The following GSE1 variants were observed in gnomAD, a reference collection of about 807,000 sequenced individuals.
The protein encoded by GSE1 is genetic suppressor element 1.
A neutral mutation model predicts 112.6 loss-of-function variants in GSE1; 32 were observed. The observed-to-expected ratio is 0.28, with a 90% CI of 0.21 to 0.38. The LOEUF is 0.38. GSE1 is among the 10% of genes least tolerant of loss of function. The pLI, the probability that GSE1 is intolerant of heterozygous loss-of-function variation, is 1.00. For synonymous variants in GSE1, 1,115 were observed against 735.6 expected (o/e 1.52, Z -8.35); for missense variants, 2,348 against 1,699.2 (o/e 1.38, Z -6.71).
chr16:85,613,446 C>G, intron 1 of GSE1, 48 bp downstream of exon 1: 1 of 1,496,880 alleles, frequency 6.7e-7, no homozygotes, highest in Non-Finnish European at 9.0e-7. Flanking sequence ...CCCCTCCCCC[C>G]ACCGCACTGT....
At chr16:85,359,818 C>T (rs972370502) in intron 2 of GSE1, among the ~76,000 whole-genome samples, 1 of 152,028 alleles carries the variant, frequency 6.6e-6, no homozygotes. Flanking sequence ...GCTGGGAGGC[C>T]GAGGAGTTTG....
intron 1 of GSE1, among the ~76,000 whole-genome samples, chr16:85,354,993 G>T (rs116095977): frequency 0.018 from 2,736 of 152,296 alleles, 88 homozygotes; most frequent in African/African-American, 0.063. Flanking sequence ...GGCCTGAGGT[G>T]CCGCCGCCTC....
At chr16:85,608,310 G>A (rs778129185), upstream of GSE1, among the ~76,000 whole-genome samples, 18 of 152,130 alleles carry the variant, frequency 1.2e-4, no homozygotes, top group Non-Finnish European at 2.6e-4. Flanking sequence ...CGGATTCAGT[G>A]CACTCTGTGG....
Position 85,616,700 on chromosome 16 carries a change from A to G in GSE1, c.7+3302A>G, listed in dbSNP as rs554833181. Among the ~76,000 whole-genome samples the G allele has an allele frequency of 2.0e-5, 3 of 147,962 alleles. No homozygotes were observed. The East Asian group carries it at 6.1e-4, about 30-fold the overall frequency. On this transcript the variant is annotated intron_variant, in intron 1 of 15. Transcript: ENST00000253458. ...GCCGCCTGGCTTTAATTCCTCCCCC[A>G]GTGGAGTCTCAGATCTCGGTGGCCT...
chr16:85,443,864 G>A lies in GSE1; in HGVS notation c.2464+86221G>A, dbSNP rs541035428. On this transcript the variant is annotated intron_variant, in intron 2 of 2. Coordinates refer to the GSE1 transcript ENST00000637419. ...CAGCCCAGCTACAGGATGAGATCGC[G>A]CCCACTCTCAGTGACCTATGGCGAC... Among the ~76,000 whole-genome samples the A allele has an allele frequency of 4.6e-5, 7 of 151,858 alleles. No individual in the cohort carries two copies. The East Asian group carries it at 7.8e-4, about 17-fold the overall frequency.
chr16:85,479,232 C>T (rs1422044625), intron 2 of GSE1, among the ~76,000 whole-genome samples: 9 of 118,568 alleles, frequency 7.6e-5, no homozygotes, highest in African/African-American at 2.7e-4. Context: ...CGGGGTTTCA[C>T]CGTGTTAGCC....
At chr16:85,417,879 G>A (rs1046171598) in intron 2 of GSE1, among the ~76,000 whole-genome samples, 5 of 152,268 alleles carry the variant, frequency 3.3e-5, no homozygotes, top group Admixed American at 2.0e-4. Flanking sequence ...TCACTCTGTC[G>A]GCCGGGCTGG....
At chr16:85,602,633 G>A (rs974859802) in intron 1 of GSE1, among the ~76,000 whole-genome samples, 2 of 152,160 alleles carry the variant, frequency 1.3e-5, no homozygotes, top group Non-Finnish European at 2.9e-5. Context: ...CTTGGTGGGG[G>A]CCTGAGGTGT....
chr16:85,447,886 T>G (rs542682521), intron 2 of GSE1, among the ~76,000 whole-genome samples: 45 of 152,340 alleles, frequency 3.0e-4, no homozygotes, highest in African/African-American at 1.1e-3. Context: ...CTCAAGTGAC[T>G]TGCCCAGGGT....
At chr16:85,587,553 G>T (rs2046765680) in intron 1 of GSE1, among the ~76,000 whole-genome samples, 1 of 151,992 alleles carries the variant, frequency 6.6e-6, no homozygotes. Flanking sequence ...TTCGGCCTAG[G>T]TACATCCAGG....
chr16:85,666,183 T>C lies in GSE1; in HGVS notation c.2966T>C (p.Leu989Pro). ...APGGKKSLSM[L>P]HYIRGAAPKD... ...GGAGGCAAAAAGAGTCTGAGCATGC[T>C]TCACTATATCCGGGGCGCTGCACCC... is the stretch of plus-strand genomic sequence containing the variant. Residue 989 changes from leucine (L) to proline (P), a missense_variant, in exon 13 of 16, where the codon CTT (leucine) becomes CCT (proline). By Grantham distance (98) the Leu-to-Pro change is moderately conservative. Coordinates refer to ENST00000253458, the MANE Select transcript of GSE1 (RefSeq NM_014615.5). The C allele has an allele frequency of 6.2e-7, 1 of 1,613,530 alleles. No individual in the cohort carries two copies. The highest frequency in any genetic ancestry group is 8.5e-7 in the Non-Finnish European group (1 of 1,180,028).
chr16:85,182,155 C>T (rs12599984), intron 1 of GSE1, among the ~76,000 whole-genome samples: 1 of 152,188 alleles, frequency 6.6e-6, no homozygotes, highest in Non-Finnish European at 1.5e-5. Context: ...AGCCCTCCCC[C>T]ACCCTCCCCG....
intron 2 of GSE1, among the ~76,000 whole-genome samples, chr16:85,550,625 C>A (rs1369851520): frequency 6.6e-6 from 1 of 152,132 alleles, no homozygotes; most frequent in East Asian, 1.9e-4. Context: ...CCAGTGGGCA[C>A]AGCTCCCAGC....
At chr16:85,664,769 T>G (rs1382695823) in intron 11 of GSE1, 3 of 422,134 alleles carry the variant, frequency 7.1e-6, no homozygotes, top group African/African-American at 2.0e-5. Flanking sequence ...CACAGAGGCG[T>G]CGTCACCGCA....
At chr16:85,259,705 C>T (rs748857826) in intron 1 of GSE1, among the ~76,000 whole-genome samples, 6 of 152,206 alleles carry the variant, frequency 3.9e-5, no homozygotes, top group Non-Finnish European at 8.8e-5. Flanking sequence ...GAGGGCAGGG[C>T]TGTGCCCCTG....
intron 2 of GSE1, among the ~76,000 whole-genome samples, chr16:85,383,628 C>T (rs1255091929): frequency 6.6e-6 from 1 of 152,040 alleles, no homozygotes; most frequent in Non-Finnish European, 1.5e-5. Flanking sequence ...CATGAGTTTC[C>T]TCAGAAGCCG....
At chr16:85,641,636 G>A (rs1484442770) in intron 2 of GSE1, among the ~76,000 whole-genome samples, 1 of 152,268 alleles carries the variant, frequency 6.6e-6, no homozygotes, top group East Asian at 1.9e-4. Flanking sequence ...GACTCCAGAA[G>A]GTTTCCCAGC....
At chr16:85,350,288 G>A (rs2046827325) in intron 1 of GSE1, among the ~76,000 whole-genome samples, 1 of 152,196 alleles carries the variant, frequency 6.6e-6, no homozygotes, top group African/African-American at 2.4e-5. Flanking sequence ...AGGCCTACGT[G>A]TGTTTTACTC....
chr16:85,371,132 C>G (rs947331923), intron 2 of GSE1, among the ~76,000 whole-genome samples: 1 of 152,240 alleles, frequency 6.6e-6, no homozygotes, highest in Non-Finnish European at 1.5e-5. Flanking sequence ...CCGCCCCCCT[C>G]GTTCCTTCCC....
Sources: gnomAD v4.1 joint callset for allele counts (sites outside exome capture counted in the v4.1 genomes callset) on GRCh38, gnomAD v4.1.1 for gene constraint, MANE v1.5 for transcripts, NCBI Gene and HGNC (gene_info 2026-07-23, HGNC 2026-07-21) for gene names.